The following CDH13 variants were observed in gnomAD, a reference collection of about 807,000 sequenced individuals.
CDH13 encodes the protein cadherin-13.
In CDH13, 24 loss-of-function variants were observed where a neutral mutation model predicts 63.8. That is an observed-to-expected ratio of 0.38 (90% confidence interval 0.27 to 0.53). The LOEUF (loss-of-function observed/expected upper bound fraction) is 0.53. Ranked by LOEUF, CDH13 falls within the 20% of genes least tolerant of loss-of-function variation. The pLI is 0.85. For synonymous variants in CDH13, 503 were observed against 355.3 expected, an observed-to-expected ratio of 1.42 and a Z score of -4.67; for missense variants, 1,049 against 903.1, an observed-to-expected ratio of 1.16 and a Z score of -2.07.
chr16:83,716,901 A>T (rs1280500049), intron 10 of CDH13: 1 of 152,124 alleles, frequency 6.6e-6, no homozygotes, highest in East Asian at 1.9e-4. Context: ...TTGCCTGTAA[A>T]ACTCTTTAAG....
chr16:82,797,836 C>T (rs1470597713), intron 1 of CDH13, among the ~76,000 whole-genome samples: 2 of 148,996 alleles, frequency 1.3e-5, no homozygotes, highest in African/African-American at 2.5e-5. Context: ...CATACTTTTC[C>T]CCCTGTAATA....
At chr16:82,672,999 CTTTTTTTT>C (rs562942948) in intron 1 of CDH13, among the ~76,000 whole-genome samples, 5 of 81,268 alleles carry the variant, frequency 6.2e-5, no homozygotes, top group Admixed American at 3.5e-4. Context: ...ATAAAGTTTT[CTTTTTTTT>C]TTTTTTTTTT....
intron 3 of CDH13, among the ~76,000 whole-genome samples, chr16:83,085,432 G>A (rs2033528620): frequency 6.6e-6 from 1 of 152,122 alleles, no homozygotes; most frequent in South Asian, 2.1e-4. Flanking sequence ...CTCATGGTGT[G>A]CAAGATGGCT....
At chr16:83,746,596 A>C (rs112908648) in intron 10 of CDH13, among the ~76,000 whole-genome samples, 173 of 152,338 alleles carry the variant, frequency 1.1e-3, no homozygotes, top group African/African-American at 3.9e-3. Context: ...CTGTTGGTTA[A>C]ATCAGGTTTT....
intron 3 of CDH13, among the ~76,000 whole-genome samples, chr16:83,079,781 A>G (rs1211640356): frequency 6.6e-6 from 1 of 152,238 alleles, no homozygotes. Context: ...TGAGAACATG[A>G]TTTTAATGAC....
chr16:82,652,899 C>G (rs1312307068), intron 1 of CDH13, among the ~76,000 whole-genome samples: 4 of 152,156 alleles, frequency 2.6e-5, no homozygotes, highest in African/African-American at 9.7e-5. Flanking sequence ...GTTGCTCAAA[C>G]TGACAGTGTA....
chr16:83,366,062 A>G (rs537682907), intron 6 of CDH13, among the ~76,000 whole-genome samples: 51 of 152,336 alleles, frequency 3.3e-4, no homozygotes, highest in African/African-American at 1.2e-3. Context: ...ATTTTTTACA[A>G]TAGCAATAGA....
At chr16:82,834,785 C>G (rs1829932657) in intron 1 of CDH13, among the ~76,000 whole-genome samples, 1 of 152,216 alleles carries the variant, frequency 6.6e-6, no homozygotes, top group African/African-American at 2.4e-5. Context: ...GGTCTGCAAA[C>G]TCTGATCTGA....
Position 83,200,921 on chromosome 16 carries a change from A to ATGTGTGTG in CDH13, c.484-16380_484-16373dup, listed in dbSNP as rs374017580. ...GGAGCAAGATTCTCTAGTCTTAAAAATGTGTGTGTGTGTGTGTGTGTGTGT... is the reference window on the plus strand; with the variant it reads ...GGAGCAAGATTCTCTAGTCTTAAAAATGTGTGTGTGTGTGTGTGTGTGTGTGTGTGTGT... On this transcript the variant is annotated intron_variant, in intron 4 of 13. Transcript: ENST00000567109. 7.9e-3 allele frequency among the ~76,000 whole-genome samples: 1,031 copies of ATGTGTGTG among 129,696 alleles called. 10 individuals are homozygous for ATGTGTGTG. The highest frequency in any genetic ancestry group is 0.025 in the Middle Eastern group (6 of 242). The allele number at this position is 129,696 out of a possible 152,430, so 85.1% of individuals were successfully genotyped here.
At chr16:83,260,856 G>A (rs1006245860) in intron 5 of CDH13, among the ~76,000 whole-genome samples, 1 of 152,080 alleles carries the variant, frequency 6.6e-6, no homozygotes, top group African/African-American at 2.4e-5. Flanking sequence ...AGCAAAGAAT[G>A]TATTTGAAAA....
At chr16:82,793,562 C>T (rs60742048) in intron 1 of CDH13, among the ~76,000 whole-genome samples, 1,980 of 152,210 alleles carry the variant, frequency 0.013, 31 homozygotes, top group African/African-American at 0.046. Context: ...GTCAGTCTGC[C>T]GTGTGCTTGG....
intron 1 of CDH13, among the ~76,000 whole-genome samples, chr16:82,816,689 A>T (rs2037727470): frequency 7.0e-6 from 1 of 142,274 alleles, no homozygotes; most frequent in African/African-American, 2.5e-5. Context: ...TAGAAGATGA[A>T]CTTCAAAAAC....
At chr16:83,681,143 C>A (rs1005919468) in intron 10 of CDH13, among the ~76,000 whole-genome samples, 1 of 152,028 alleles carries the variant, frequency 6.6e-6, no homozygotes, top group African/African-American at 2.4e-5. Context: ...GAGCCTGCCA[C>A]AGACCCCAGC....
chr16:83,207,919 A>G (rs2039230147), intron 4 of CDH13, among the ~76,000 whole-genome samples: 2 of 152,172 alleles, frequency 1.3e-5, no homozygotes, highest in African/African-American at 2.4e-5. Flanking sequence ...GCTATATAAG[A>G]AGGAAACCAG....
intron 1 of CDH13, among the ~76,000 whole-genome samples, chr16:82,765,079 G>C (rs919160941): frequency 2.0e-5 from 3 of 152,184 alleles, no homozygotes; most frequent in African/African-American, 7.2e-5. Context: ...GCCTCCCAAA[G>C]TGCACTGCCT....
At chr16:83,664,234 A>G (rs1007081619) in intron 8 of CDH13, among the ~76,000 whole-genome samples, 47 of 152,196 alleles carry the variant, frequency 3.1e-4, no homozygotes, top group Non-Finnish European at 2.4e-4. Flanking sequence ...ATATTCTTTC[A>G]TCTGGCTCCT....
At chr16:83,458,941 C>T (rs992000365) in intron 6 of CDH13, among the ~76,000 whole-genome samples, 6 of 152,212 alleles carry the variant, frequency 3.9e-5, no homozygotes, top group African/African-American at 1.4e-4. Flanking sequence ...TATTATTATG[C>T]AAAAGCAGTG....
chr16:82,778,120 C>A (rs1340720381), intron 1 of CDH13, among the ~76,000 whole-genome samples: 8 of 152,164 alleles, frequency 5.3e-5, no homozygotes. Flanking sequence ...CACTGGGAGC[C>A]AGCCACTGCC....
At chr16:82,636,757 GC>G (rs1448147792) in intron 1 of CDH13, among the ~76,000 whole-genome samples, 1 of 152,320 alleles carries the variant, frequency 6.6e-6, no homozygotes, top group Admixed American at 6.5e-5. Flanking sequence ...AAACCAGAAA[GC>G]AAAACCCAAA....
Sources: allele counts gnomAD v4.1 joint callset (sites outside exome capture counted in the v4.1 genomes callset), GRCh38; gene constraint gnomAD v4.1.1; transcripts MANE v1.5; gene names NCBI Gene and HGNC (gene_info 2026-07-23, HGNC 2026-07-21).